The following SCAI variants were observed in gnomAD, a reference collection of about 807,000 sequenced individuals.
SCAI encodes the protein protein SCAI.
Under a neutral mutation model 92.2 loss-of-function variants are expected in SCAI, and 24 were observed. That is an observed-to-expected ratio of 0.26 (90% confidence interval 0.19 to 0.37). SCAI has a LOEUF of 0.37. Ranked by LOEUF, SCAI falls within the 10% of genes least tolerant of loss-of-function variation. The pLI, the probability that SCAI is intolerant of heterozygous loss-of-function variation, is 1.00. For synonymous variants in SCAI, 261 were observed against 258.6 expected, an observed-to-expected ratio of 1.01 and a Z score of -0.09; for missense variants, 450 against 736.2, an observed-to-expected ratio of 0.61 and a Z score of 4.50.
At chr9:124,972,295 A>G (rs1831675857) in intron 15 of SCAI, among the ~76,000 whole-genome samples, 1 of 152,112 alleles carries the variant, frequency 6.6e-6, no homozygotes, top group East Asian at 1.9e-4. Flanking sequence ...TCTCACTCCC[A>G]TGATTTTAGT....
intron 15 of SCAI, among the ~76,000 whole-genome samples, chr9:124,972,774 CCCACACCTAGTCCAT>C (rs1197830534): frequency 2.0e-5 from 3 of 152,194 alleles, no homozygotes; most frequent in African/African-American, 7.2e-5. Flanking sequence ...GCCTTCCCTC[CCCACACCTAGTCCAT>C]CACAAAGTCC....
intron 17 of SCAI, among the ~76,000 whole-genome samples, chr9:124,961,649 C>CAA (rs34369784): frequency 0.032 from 3,778 of 119,720 alleles, 74 homozygotes; most frequent in African/African-American, 0.052. Flanking sequence ...GACTCCATCT[C>CAA]AAAAAAAAAA....
chr9:125,065,699 G>C (rs1330279848), intron 2 of SCAI, among the ~76,000 whole-genome samples: 2 of 152,156 alleles, frequency 1.3e-5, no homozygotes, highest in African/African-American at 2.4e-5. Flanking sequence ...CCAAATGTTA[G>C]CAAGTCCAAT....
At chr9:124,972,409 A>G (rs1831677659) in intron 15 of SCAI, among the ~76,000 whole-genome samples, 1 of 152,202 alleles carries the variant, frequency 6.6e-6, no homozygotes, top group Non-Finnish European at 1.5e-5. Flanking sequence ...GGACACTAAA[A>G]ACGTGACTAG....
Position 125,135,958 on chromosome 9 carries a change from A to C in SCAI, c.98+6675T>G, listed in dbSNP as rs539587676. Among the ~76,000 whole-genome samples the C allele has an allele frequency of 6.6e-5, 9 of 135,794 alleles. No homozygotes were observed. In the South Asian group the frequency reaches 7.2e-4, roughly 11 times the overall value. The allele number at this position is 135,794 out of a possible 152,430, so 89.1% of individuals were successfully genotyped here. On this transcript the variant is annotated intron_variant, in intron 2 of 17. Coordinates refer to ENST00000336505, the MANE Select transcript of SCAI (RefSeq NM_001144877.3). ...CACTCCAGCCTGGTCAACAAGCAAAACTCCATCTCAAACAAAAAAAAAAAA... is the reference window on the plus strand; with the variant it reads ...CACTCCAGCCTGGTCAACAAGCAAACCTCCATCTCAAACAAAAAAAAAAAA...
intron 14 of SCAI, among the ~76,000 whole-genome samples, chr9:124,984,254 G>C (rs1831943203): frequency 6.6e-6 from 1 of 152,176 alleles, no homozygotes; most frequent in East Asian, 1.9e-4. Flanking sequence ...AGCAATCAGG[G>C]GCCAGGGAAG....
chr9:125,119,519 A>C (rs1409005801), intron 2 of SCAI, among the ~76,000 whole-genome samples: 1 of 152,240 alleles, frequency 6.6e-6, no homozygotes, highest in East Asian at 1.9e-4. Flanking sequence ...CACATAATCC[A>C]TATTTCTTCT....
intron 7 of SCAI, 132 bp from the exon 8 acceptor site, chr9:125,019,337 T>C (rs1832823975): frequency 1.8e-6 from 1 of 556,754 alleles, no homozygotes; most frequent in Non-Finnish European, 3.1e-6. Flanking sequence ...GTCCTGATTA[T>C]AACAAAAAAC....
At chr9:124,990,197 C>T (rs1423650389) in intron 14 of SCAI, among the ~76,000 whole-genome samples, 1 of 151,636 alleles carries the variant, frequency 6.6e-6, no homozygotes, top group Non-Finnish European at 1.5e-5. Flanking sequence ...AAAAGAAATA[C>T]TGGAAGCTAG....
At position 125,064,051 on chromosome 9, in the gene SCAI, C is replaced by T. The variant is rs970195344; in HGVS notation, c.99-8044G>A. Among the ~76,000 whole-genome samples, 27 of 152,266 alleles carry T rather than the reference C, an allele frequency of 1.8e-4. No homozygotes were observed. The South Asian group carries it at 4.8e-3, about 27-fold the overall frequency. ...TACAGGCGTGAGCCACCGCGCCCAG[C>T]CAATTCAATATATTTCTAAAAATCA... On this transcript the variant is annotated intron_variant, in intron 2 of 17. Coordinates refer to ENST00000336505, the MANE Select transcript of SCAI (RefSeq NM_001144877.3).
chr9:125,083,749 G>C (rs1588207391), intron 2 of SCAI, among the ~76,000 whole-genome samples: 2 of 152,088 alleles, frequency 1.3e-5, no homozygotes, highest in Admixed American at 1.3e-4. Flanking sequence ...TTTTCCAGGT[G>C]CTAGAACATG....
chr9:125,112,388 C>A (rs1834949717), intron 2 of SCAI, among the ~76,000 whole-genome samples: 1 of 152,040 alleles, frequency 6.6e-6, no homozygotes, highest in African/African-American at 2.4e-5. Context: ...GAAAAATCAA[C>A]CAATCAAAAC....
At chr9:125,033,429 T>C (rs1833124397) in intron 3 of SCAI, among the ~76,000 whole-genome samples, 1 of 151,976 alleles carries the variant, frequency 6.6e-6, no homozygotes, top group South Asian at 2.1e-4. Flanking sequence ...ATTAAATAAA[T>C]GATGTATTAT....
At chr9:125,132,632 C>G (rs781565372) in intron 2 of SCAI, among the ~76,000 whole-genome samples, 23 of 152,172 alleles carry the variant, frequency 1.5e-4, no homozygotes, top group Non-Finnish European at 2.4e-4. Flanking sequence ...CATGTTCTTA[C>G]CGTCCCAAAC....
At chr9:125,015,794 T>G (rs1328528424) in intron 9 of SCAI, among the ~76,000 whole-genome samples, 1 of 151,942 alleles carries the variant, frequency 6.6e-6, no homozygotes, top group Non-Finnish European at 1.5e-5. Context: ...TATCCAACAA[T>G]GATAGACTGG....
chr9:124,960,587 T>C (rs186596742), intron 17 of SCAI, among the ~76,000 whole-genome samples: 5 of 152,340 alleles, frequency 3.3e-5, no homozygotes, highest in Admixed American at 3.3e-4. Context: ...GTCCATACTG[T>C]GTGAGTCAAG....
At chr9:125,073,526 T>C (rs1277222218) in intron 2 of SCAI, among the ~76,000 whole-genome samples, 2 of 152,258 alleles carry the variant, frequency 1.3e-5, no homozygotes, top group Non-Finnish European at 2.9e-5. Context: ...TGTTATTTTC[T>C]ATTTATTACT....
At chr9:125,008,343 G>C (rs188288902) in intron 9 of SCAI, among the ~76,000 whole-genome samples, 3 of 152,116 alleles carry the variant, frequency 2.0e-5, no homozygotes, top group East Asian at 3.9e-4. Context: ...CACCATGTTG[G>C]CCAGGCTGGT....
At chr9:124,981,520 TAAAG>T (rs1187849665) in intron 14 of SCAI, among the ~76,000 whole-genome samples, 1 of 152,198 alleles carries the variant, frequency 6.6e-6, no homozygotes, top group Non-Finnish European at 1.5e-5. Flanking sequence ...GGCTATTTAA[TAAAG>T]AAGCTCTTCA....
Sources: gnomAD v4.1 joint callset for allele counts (sites outside exome capture counted in the v4.1 genomes callset) on GRCh38, gnomAD v4.1.1 for gene constraint, MANE v1.5 for transcripts, NCBI Gene and HGNC (gene_info 2026-07-23, HGNC 2026-07-21) for gene names.